Variants in TXLNA observed in about 807,000 individuals in gnomAD.
The protein encoded by TXLNA is taxilin alpha.
Under a neutral mutation model 61.4 loss-of-function variants are expected in TXLNA, and 9 were observed. The observed-to-expected ratio is 0.15, with a 90% CI of 0.09 to 0.26. The LOEUF (loss-of-function observed/expected upper bound fraction) is 0.26, where lower values mean the gene tolerates loss of function less well. Among genes scored for constraint, TXLNA ranks in the 10% least tolerant of loss-of-function variants. TXLNA has a pLI of 1.00. For missense variants in TXLNA, 565 were observed against 688.8 expected, an observed-to-expected ratio of 0.82 and a Z score of 2.01; for synonymous variants, 257 against 267.7, an observed-to-expected ratio of 0.96 and a Z score of 0.39.
chr1:32,188,211 A>G (rs1465879532), intron 5 of TXLNA, 87 bp downstream of exon 5: 2 of 1,412,126 alleles, frequency 1.4e-6, no homozygotes, highest in Non-Finnish European at 1.9e-6. Context: ...CTTAAAAAGT[A>G]GTGCAGGCTA....
chr1:32,184,484 C>G (rs770979272), intron 3 of TXLNA, 41 bp from the exon 4 acceptor site: 2 of 1,384,188 alleles, frequency 1.4e-6, no homozygotes. Context: ...GAGGGGACAC[C>G]TGGAGAAGAG....
At chr1:32,188,193 G>A (rs768891048) in intron 5 of TXLNA, 69 bp downstream of exon 5, 124 of 1,471,300 alleles carry the variant, frequency 8.4e-5, no homozygotes, top group Admixed American at 3.9e-4. Context: ...TCTTTCATGG[G>A]CTTTCCTCTT....
chr1:32,186,048 T>G (rs1410453692), intron 4 of TXLNA, among the ~76,000 whole-genome samples: 5 of 152,214 alleles, frequency 3.3e-5, no homozygotes, highest in Non-Finnish European at 7.3e-5. Context: ...TTATTAATAT[T>G]TTCCTGTAAG....
Position 32,192,649 on chromosome 1 carries a change from G to A in TXLNA, c.1084-8G>A, listed in dbSNP as rs1642932834. The A allele has an allele frequency of 6.2e-7, 1 of 1,614,064 alleles. No individual in the cohort carries two copies. Among genetic ancestry groups the A allele is most frequent in the Non-Finnish European group, 8.5e-7 (1 of 1,180,028 alleles). ...CTGACAGGATCTGGGGTTCTGTCTTGGAAATAGCTCCTGAAAGAGGCAGTA... is the reference window on the plus strand; with the variant it reads ...CTGACAGGATCTGGGGTTCTGTCTTAGAAATAGCTCCTGAAAGAGGCAGTA... On this transcript the variant is annotated splice_polypyrimidine_tract_variant and splice_region_variant and intron_variant, in intron 7 of 10. Transcript: ENST00000373610. The surrounding 1 kb of genome is among the most constrained non-coding windows in gnomAD (Gnocchi z 4.2).
chr1:32,187,523 A>G (rs1281521758), intron 4 of TXLNA, among the ~76,000 whole-genome samples: 1 of 152,112 alleles, frequency 6.6e-6, no homozygotes, highest in Non-Finnish European at 1.5e-5. Context: ...GCGCTGATGA[A>G]CGCAGCGCTA....
Position 32,192,456 on chromosome 1 carries a change from G to T in TXLNA, c.1083+26G>T, listed in dbSNP as rs1557506058. 6.5e-7 allele frequency: 1 copy of T among 1,529,368 alleles called. No homozygotes were observed. The highest frequency in any genetic ancestry group is 8.7e-7 in the Non-Finnish European group (1 of 1,153,492). 94.7% of individuals were successfully genotyped at this position (1,529,368 alleles called of 1,614,324 possible). ...GTGAGGCTCAGGCCCCAGGGTTGGGGTGGGGGTGGGAGGAGACAGGCTGGG... is the reference window on the plus strand; with the variant it reads ...GTGAGGCTCAGGCCCCAGGGTTGGGTTGGGGGTGGGAGGAGACAGGCTGGG... On this transcript the variant is annotated intron_variant, in intron 7 of 10. Coordinates refer to ENST00000373610, the MANE Select transcript of TXLNA (RefSeq NM_175852.4). This position sits in a 1 kb window ranked among gnomAD's most constrained non-coding sequence, Gnocchi z 4.2.
At chr1:32,193,950 G>T in intron 9 of TXLNA, 115 bp from the exon 10 acceptor site, 1 of 773,106 alleles carries the variant, frequency 1.3e-6, no homozygotes, top group Admixed American at 2.4e-5. Flanking sequence ...AATGCCTTGC[G>T]CCTTGGGATC....
Position 32,192,513 on chromosome 1 carries a change from G to T in TXLNA, c.1083+83G>T. The T allele has an allele frequency of 4.4e-6, 7 of 1,597,408 alleles. No individual in the cohort carries two copies. The South Asian group carries it at 7.8e-5, about 18-fold the overall frequency. ...CTCAGCTCATAGCCGGGTTATATGG[G>T]AGAAGTCTGGCCAGACCAGGCACAG... On this transcript the variant is annotated intron_variant, in intron 7 of 10. Transcript: ENST00000373610. This position sits in a 1 kb window ranked among gnomAD's most constrained non-coding sequence, Gnocchi z 4.2.
rs746266318 is a variant in TXLNA, at chr1:32,180,496, G to T, written c.151G>T (p.Ala51Ser). 5 of 1,606,192 alleles carry T rather than the reference G, an allele frequency of 3.1e-6. No homozygotes were observed. In the Admixed American group the frequency reaches 8.5e-5, roughly 27 times the overall value. Residue 51 changes from alanine (A) to serine (S), a missense_variant, in exon 2 of 11, where the codon GCT (alanine) becomes TCT (serine). Ala to Ser is a moderately conservative substitution (Grantham distance 99). This residue lies in a region of TXLNA where 192 missense variants were observed against 184.8 expected (regional missense o/e 1.04). Coordinates refer to ENST00000373610, the MANE Select transcript of TXLNA (RefSeq NM_175852.4). ...AGCAGAAGGTCCCGGCAGCAGCCAGGCTCCTCGGAAGCCGGAGGGTGTGTG... is the reference window on the plus strand; with the variant it reads ...AGCAGAAGGTCCCGGCAGCAGCCAGTCTCCTCGGAAGCCGGAGGGTGTGTG... ...VEAEGPGSSQ[A>S]PRKPEGAQAR...
intron 4 of TXLNA, among the ~76,000 whole-genome samples, chr1:32,187,649 CA>C (rs1642816324): frequency 6.6e-6 from 1 of 152,202 alleles, no homozygotes; most frequent in Non-Finnish European, 1.5e-5. Flanking sequence ...GGAAATGCAA[CA>C]GCTTGAAGTG....
chr1:32,188,025 G>A lies in TXLNA; in HGVS notation c.669G>A (p.Glu223=), dbSNP rs773902690. ...AAAAGCAGAGCCAGCTGGTGCAAGA[G>A]AAGGACCACCTGCGCGGTGAGCACA... is the stretch of plus-strand genomic sequence containing the variant. ...LQKKQSQLVQ[E]KDHLRGEHSK... Residue 223 remains glutamate, a synonymous_variant, in exon 5 of 11, where the codon GAG becomes GAA. Coordinates refer to ENST00000373610, the MANE Select transcript of TXLNA (RefSeq NM_175852.4). The A allele has an allele frequency of 1.2e-6, 2 of 1,612,888 alleles. No homozygotes were observed. The highest frequency in any genetic ancestry group is 1.7e-6 in the Non-Finnish European group (2 of 1,179,526).
At chr1:32,187,856 G>T in intron 4 of TXLNA, 98 bp from the exon 5 acceptor site, 1 of 1,364,976 alleles carries the variant, frequency 7.3e-7, no homozygotes, top group Non-Finnish European at 1.0e-6. Flanking sequence ...AGAGGGTAAG[G>T]GTCAGGGCAG....
rs756483425 is a variant in TXLNA, at chr1:32,195,191, C to T, written c.1637C>T (p.Ala546Val). 2 of 1,584,416 alleles carry T rather than the reference C, an allele frequency of 1.3e-6. No individual in the cohort carries two copies. Residue 546 changes from alanine (A) to valine (V), a missense_variant, in exon 11 of 11, where the codon GCC becomes GTC. Physicochemically the swap from Ala to Val is moderately conservative, Grantham distance 64. Around this residue, in one of 2 missense-constraint regions of TXLNA, gnomAD observed 373 missense variants for 504.0 expected, o/e 0.74. Transcript: ENST00000373610. ...CCTCAAGAGCCCACCTCCGCCAGGG[C>T]CTAGAGAGCCTGGTGTTGGGTCATG... ...TGPQEPTSAR[A>V]
chr1:32,188,408 G>A (rs1642835343), intron 5 of TXLNA, among the ~76,000 whole-genome samples: 1 of 152,226 alleles, frequency 6.6e-6, no homozygotes, highest in Admixed American at 6.5e-5. Flanking sequence ...GGAGGCTGAG[G>A]TGGATGGATC....
chr1:32,185,046 G>A (rs1642751360), intron 4 of TXLNA, among the ~76,000 whole-genome samples: 1 of 152,150 alleles, frequency 6.6e-6, no homozygotes, highest in South Asian at 2.1e-4. Context: ...ACAGAAACTA[G>A]ACTAGCTGTC....
At chr1:32,183,423 CTTTTTTTTTT>C (rs1162538631) in intron 3 of TXLNA, among the ~76,000 whole-genome samples, 5 of 91,824 alleles carry the variant, frequency 5.4e-5, no homozygotes, top group African/African-American at 2.2e-4. Flanking sequence ...CGTACCCTGC[CTTTTTTTTTT>C]TTTTTTTTTT....
chr1:32,190,368 C>G, intron 6 of TXLNA, 119 bp downstream of exon 6: 1 of 995,812 alleles, frequency 1.0e-6, no homozygotes, highest in African/African-American at 1.6e-5. Context: ...CCTCCTCCTC[C>G]TCCTTGGGAG....
chr1:32,193,241 C>T lies in TXLNA; in HGVS notation c.1192C>T (p.Gln398Ter). 1 of 1,613,798 alleles carries T rather than the reference C, an allele frequency of 6.2e-7. No homozygotes were observed. Among genetic ancestry groups the T allele is most frequent in the Non-Finnish European group, 8.5e-7 (1 of 1,179,960 alleles). ...ATACACAGAGAAGTTTGAGGAGTTC[C>T]AGAACACACTTTCCAAAAGCAGCGA... ...ALYTEKFEEF[Q>*]NTLSKSSEVF... The change falls in exon 9 of 11, where the codon CAG becomes TAG. Residue 398 changes from glutamine to a stop codon, truncating the protein, a stop_gained. Transcript: ENST00000373610. LOFTEE classifies it high-confidence loss of function.
intron 9 of TXLNA, among the ~76,000 whole-genome samples, chr1:32,193,526 T>TTTGTTGTTGTTGTTG (rs373486404): frequency 3.4e-4 from 50 of 148,932 alleles, no homozygotes; most frequent in African/African-American, 1.2e-3. Context: ...TTTTGGGGGG[T>TTTGTTGTTGTTGTTG]TTGTTGTTGT....
Sources: gnomAD v4.1 joint callset for allele counts (sites outside exome capture counted in the v4.1 genomes callset) on GRCh38, gnomAD v4.1.1 for gene constraint, gnomAD v4.1.1 regional missense constraint, Gnocchi (gnomAD v3.1) non-coding constraint, MANE v1.5 for transcripts, NCBI Gene and HGNC (gene_info 2026-07-23, HGNC 2026-07-21) for gene names.